Variants in GPR149 observed in about 807,000 individuals in gnomAD.
GPR149 encodes probable G protein-coupled receptor 149.
Under a neutral mutation model 50.2 loss-of-function variants are expected in GPR149, and 50 were observed. That is an observed-to-expected ratio of 1.00 (90% CI 0.79 to 1.26). The LOEUF is 1.26. Among genes scored for constraint, GPR149 ranks in the 50% most tolerant of loss-of-function variants. The probability of loss-of-function intolerance (pLI) is 0.00; values close to 1 mark genes in which losing one functional copy is unlikely to be tolerated. For synonymous variants in GPR149, 405 were observed against 358.2 expected, an observed-to-expected ratio of 1.13 and a Z score of -1.48; for missense variants, 983 against 895.4, an observed-to-expected ratio of 1.10 and a Z score of -1.25.
chr3:154,416,769 A>G (rs1712001995), intron 3 of GPR149, among the ~76,000 whole-genome samples: 1 of 151,858 alleles, frequency 6.6e-6, no homozygotes, highest in South Asian at 2.1e-4. Flanking sequence ...TTTAAACACA[A>G]TTACCTCCCT....
At chr3:154,425,469 T>C (rs1712266316) in intron 2 of GPR149, among the ~76,000 whole-genome samples, 1 of 152,094 alleles carries the variant, frequency 6.6e-6, no homozygotes, top group Admixed American at 6.5e-5. Context: ...TGTGTTACAC[T>C]ATCAATAGGA....
intron 3 of GPR149, among the ~76,000 whole-genome samples, chr3:154,377,348 A>AATTATTAGTATT (rs1553764552): frequency 7.2e-6 from 1 of 139,252 alleles, no homozygotes; most frequent in African/African-American, 2.7e-5. Flanking sequence ...TCTGCTCTGT[A>AATTATTAGTATT]ATTATTATTA....
intron 3 of GPR149, among the ~76,000 whole-genome samples, chr3:154,397,218 A>G (rs4680130): frequency 0.65 from 99,217 of 151,920 alleles, 32,725 homozygotes; most frequent in East Asian, 0.8. Context: ...CAGGCTCATA[A>G]ATGAAAAAAC....
At chr3:154,352,113 C>G (rs1194722852) in intron 3 of GPR149, 7 of 686,474 alleles carry the variant, frequency 1.0e-5, no homozygotes, top group Non-Finnish European at 1.6e-5. Flanking sequence ...CAAGTTCACA[C>G]TGGTAGATTA....
rs1713667220 is a variant in GPR149, at chr3:154,336,897, C to T, written c.*802G>A. ...TGCCAGTATTTTCTCCCAATTTCCA[C>T]TCAAGTTAAAAAAAAAAACAATTTT... On this transcript the variant is annotated 3_prime_UTR_variant, in exon 4 of 4. Coordinates refer to ENST00000389740, the MANE Select transcript of GPR149 (RefSeq NM_001038705.3). 6.6e-6 allele frequency: 1 copy of T among 151,576 alleles called. No individual in the cohort carries two copies. Among genetic ancestry groups the T allele is most frequent in the African/African-American group, 2.4e-5 (1 of 41,236 alleles). 9.4% of individuals were successfully genotyped at this position (151,576 alleles called of 1,614,324 possible). A position where few individuals can be genotyped will look rare whatever the true frequency, so the allele number is the denominator to read the frequency against.
intron 3 of GPR149, among the ~76,000 whole-genome samples, chr3:154,392,970 C>A (rs768020081): frequency 6.6e-6 from 1 of 151,854 alleles, no homozygotes; most frequent in African/African-American, 2.4e-5. Flanking sequence ...AGCCTAGAAC[C>A]AAATGGCTTC....
At chr3:154,381,553 GT>G (rs1218273799) in intron 3 of GPR149, among the ~76,000 whole-genome samples, 1 of 151,922 alleles carries the variant, frequency 6.6e-6, no homozygotes, top group Non-Finnish European at 1.5e-5. Flanking sequence ...TTAGGATTTA[GT>G]TTTTTTATAA....
intron 2 of GPR149, among the ~76,000 whole-genome samples, chr3:154,424,816 A>G (rs1341163427): frequency 1.3e-5 from 2 of 151,820 alleles, no homozygotes; most frequent in African/African-American, 4.8e-5. Context: ...GTGAGTAATT[A>G]CATCCACTTA....
intron 3 of GPR149, among the ~76,000 whole-genome samples, chr3:154,394,309 T>C (rs990365941): frequency 2.0e-5 from 3 of 151,936 alleles, no homozygotes; most frequent in Non-Finnish European, 4.4e-5. Context: ...GAATAAACAA[T>C]GGGGAAAGTA....
At chr3:154,420,121 T>A (rs1056717225) in intron 3 of GPR149, among the ~76,000 whole-genome samples, 1 of 152,046 alleles carries the variant, frequency 6.6e-6, no homozygotes, top group South Asian at 2.1e-4. Context: ...ATCATACTTT[T>A]GATCAATGAG....
At chr3:154,359,194 T>C (rs1217826293) in intron 3 of GPR149, among the ~76,000 whole-genome samples, 1 of 152,168 alleles carries the variant, frequency 6.6e-6, no homozygotes, top group Non-Finnish European at 1.5e-5. Context: ...ATTTGATAAG[T>C]TTAATATTTA....
intron 3 of GPR149, among the ~76,000 whole-genome samples, chr3:154,419,814 C>T (rs1712086964): frequency 6.6e-6 from 1 of 151,980 alleles, no homozygotes; most frequent in Non-Finnish European, 1.5e-5. Flanking sequence ...TGTTGGAATT[C>T]CCCTCTTAGC....
In GPR149 at chr3:154,337,037, C is replaced by T. The variant is rs935449798; in HGVS notation, c.*662G>A. ...TATTTGTTTTATGGGACAGTCTTGACATACTGAAAAGATGAAAGGAAAACT... is the reference window on the plus strand; with the variant it reads ...TATTTGTTTTATGGGACAGTCTTGATATACTGAAAAGATGAAAGGAAAACT... On this transcript the variant is annotated 3_prime_UTR_variant, in exon 4 of 4. Transcript: ENST00000389740. The T allele has an allele frequency of 2.6e-5, 4 of 151,880 alleles. No homozygotes were observed. Among genetic ancestry groups the T allele is most frequent in the Non-Finnish European group, 4.4e-5 (3 of 67,934 alleles). The allele number at this position is 151,880 out of a possible 1,614,324, so 9.4% of individuals were successfully genotyped here.
chr3:154,415,489 C>T (rs1225244903), intron 3 of GPR149, among the ~76,000 whole-genome samples: 1 of 151,910 alleles, frequency 6.6e-6, no homozygotes, highest in Non-Finnish European at 1.5e-5. Flanking sequence ...TTCAGCCACA[C>T]TTCAAATAGC....
intron 3 of GPR149, among the ~76,000 whole-genome samples, chr3:154,356,036 G>A (rs1034953692): frequency 6.6e-6 from 1 of 152,196 alleles, no homozygotes; most frequent in Non-Finnish European, 1.5e-5. Flanking sequence ...AGTAGGCAGT[G>A]TCCTAGGGTA....
intron 1 of GPR149, among the ~76,000 whole-genome samples, chr3:154,428,034 C>T (rs912532574): frequency 6.6e-5 from 10 of 152,246 alleles, no homozygotes; most frequent in African/African-American, 2.4e-4. Context: ...ATCTGATTCT[C>T]CGAATGGCCT....
At chr3:154,375,561 C>T (rs1714772818) in intron 3 of GPR149, among the ~76,000 whole-genome samples, 1 of 152,194 alleles carries the variant, frequency 6.6e-6, no homozygotes, top group Admixed American at 6.5e-5. Context: ...TATGTTTTCT[C>T]ATATTCCCTA....
At chr3:154,372,058 T>G (rs1714678242) in intron 3 of GPR149, among the ~76,000 whole-genome samples, 1 of 151,854 alleles carries the variant, frequency 6.6e-6, no homozygotes, top group African/African-American at 2.4e-5. Flanking sequence ...GGGCCCCTTC[T>G]TCGCCCCTCA....
chr3:154,348,035 A>G (rs1713976471), intron 3 of GPR149, among the ~76,000 whole-genome samples: 1 of 152,212 alleles, frequency 6.6e-6, no homozygotes, highest in African/African-American at 2.4e-5. Flanking sequence ...TGCAAAATAT[A>G]AAGATTAAAT....
Sources: allele counts gnomAD v4.1 joint callset (sites outside exome capture counted in the v4.1 genomes callset), GRCh38; gene constraint gnomAD v4.1.1; transcripts MANE v1.5; gene names NCBI Gene and HGNC (gene_info 2026-07-23, HGNC 2026-07-21).